Variants in FAM221A observed in about 807,000 individuals in gnomAD.
The protein encoded by FAM221A is protein FAM221A.
In FAM221A, 43 loss-of-function variants were observed where a neutral mutation model predicts 37.6. That is an observed-to-expected ratio of 1.15 (90% CI 0.90 to 1.48). The LOEUF is 1.48. FAM221A is among the 40% of genes most tolerant of loss of function. FAM221A has a pLI of 0.00. For synonymous variants in FAM221A, 135 were observed against 132.9 expected, an observed-to-expected ratio of 1.02 and a Z score of -0.11; for missense variants, 361 against 361.5, an observed-to-expected ratio of 1.00 and a Z score of 0.01.
At chr7:23,695,643 G>T (rs1439719930) in intron 4 of FAM221A, among the ~76,000 whole-genome samples, 1 of 152,124 alleles carries the variant, frequency 6.6e-6, no homozygotes, top group Admixed American at 6.5e-5. Flanking sequence ...AAAGAGCTGG[G>T]ATTACAGGTG....
chr7:23,696,053 G>A (rs769475065), intron 4 of FAM221A, among the ~76,000 whole-genome samples: 1 of 152,134 alleles, frequency 6.6e-6, no homozygotes, highest in African/African-American at 2.4e-5. Flanking sequence ...GTTGATGTTC[G>A]TTATGTGAAC....
rs1562511571 is a variant in FAM221A, at chr7:23,680,205, CTT to C, written c.-13_-12del. 6 of 1,548,570 alleles carry C rather than the reference CTT, an allele frequency of 3.9e-6. No homozygotes were observed. The highest frequency in any genetic ancestry group is 3.5e-6 in the Non-Finnish European group (4 of 1,145,256). On this transcript the variant is annotated 5_prime_UTR_variant, in exon 1 of 7. Transcript: ENST00000344962. The stretch of plus-strand genomic sequence containing the variant: ...AGCTGGTCCGCAGGGAAGCCTTTGG[CTT>C]CCCCACCGGCAATGGAGCGGTTGAC...
chr7:23,684,944 C>T (rs1168757216), intron 2 of FAM221A, among the ~76,000 whole-genome samples: 1 of 151,972 alleles, frequency 6.6e-6, no homozygotes, highest in Non-Finnish European at 1.5e-5. Context: ...AGAGTGAAAC[C>T]TTGTCTCTTA....
In FAM221A at chr7:23,689,283, A is replaced by T. The variant is rs775619998; in HGVS notation, c.254A>T (p.Lys85Ile). Residue 85 changes from lysine to isoleucine, a missense_variant, in exon 3 of 7, where the codon AAA becomes ATA. Physicochemically the swap from Lys to Ile is moderately radical, Grantham distance 102 (BLOSUM62 -3). Transcript: ENST00000344962. ...CFCTHRYKQH[K>I]TDLEAIPQQC... ...TCCTTTTTTAGGTATAAACAACATAAAACTGACTTGGAAGCGATTCCTCAG... is the reference window on the plus strand; with the variant it reads ...TCCTTTTTTAGGTATAAACAACATATAACTGACTTGGAAGCGATTCCTCAG... 6.4e-7 allele frequency: 1 copy of T among 1,551,038 alleles called. No individual in the cohort carries two copies. The highest frequency in any genetic ancestry group is 8.8e-7 in the Non-Finnish European group (1 of 1,133,320).
chr7:23,695,527 C>A (rs1216490095), intron 4 of FAM221A, among the ~76,000 whole-genome samples: 1 of 152,104 alleles, frequency 6.6e-6, no homozygotes, highest in Non-Finnish European at 1.5e-5. Context: ...CGCATGCCAC[C>A]ATGCCTGGCT....
In FAM221A at chr7:23,692,363, C is replaced by T. The variant is rs534660207; in HGVS notation, c.637+767C>T. The T allele has an allele frequency of 1.9e-3, 734 of 389,322 alleles. 1 individual carries two copies. Among genetic ancestry groups the T allele is most frequent in the East Asian group, 5.2e-3 (31 of 6,004 alleles). The allele number at this position is 389,322 out of a possible 1,614,324, so 24.1% of individuals were successfully genotyped here. On this transcript the variant is annotated intron_variant, in intron 4 of 6. Coordinates refer to ENST00000344962, the MANE Select transcript of FAM221A (RefSeq NM_199136.5). ...TTCTTTTCTTTTTTTTTTTTTGAGA[C>T]GGAGTTTTGCTCTTCTTGCCCAGGC... is the stretch of plus-strand genomic sequence containing the variant.
chr7:23,690,485 G>T (rs1434993073), intron 3 of FAM221A, among the ~76,000 whole-genome samples: 1 of 151,956 alleles, frequency 6.6e-6, no homozygotes, highest in South Asian at 2.1e-4. Context: ...GATTCCAGGC[G>T]TGAGCCACTG....
At chr7:23,680,853 C>G (rs1562512553) in intron 1 of FAM221A, 1 of 152,454 alleles carries the variant, frequency 6.6e-6, no homozygotes, top group Non-Finnish European at 1.5e-5. Context: ...TTTTCCGCTT[C>G]CTGGGGTTTT....
At chr7:23,693,802 C>T (rs998548635) in intron 4 of FAM221A, 1 of 152,090 alleles carries the variant, frequency 6.6e-6, no homozygotes, top group African/African-American at 2.4e-5. Flanking sequence ...CATTCTTGCC[C>T]AAATCATTTG....
At chr7:23,692,653 A>G (rs1471107789) in intron 4 of FAM221A, 20 of 984,770 alleles carry the variant, frequency 2.0e-5, no homozygotes, top group Non-Finnish European at 2.4e-5. Flanking sequence ...ATACGAGTAT[A>G]TATTTTCTTG....
intron 5 of FAM221A, among the ~76,000 whole-genome samples, chr7:23,699,255 G>T (rs73079086): frequency 0.057 from 8,530 of 150,966 alleles, 294 homozygotes; most frequent in East Asian, 0.13. Flanking sequence ...ATAGCTAGGA[G>T]TACAGGTGTG....
At chr7:23,698,870 G>A (rs1785223681) in intron 5 of FAM221A, among the ~76,000 whole-genome samples, 1 of 152,090 alleles carries the variant, frequency 6.6e-6, no homozygotes, top group African/African-American at 2.4e-5. Flanking sequence ...TTTTAAGGCT[G>A]CTTGCCTTAA....
intron 4 of FAM221A, chr7:23,694,707 G>A (rs1784950115): frequency 6.6e-6 from 1 of 152,182 alleles, no homozygotes; most frequent in Non-Finnish European, 1.5e-5. Context: ...GAAGTAGCAG[G>A]GTTGGGTTCA....
Position 23,689,260 on chromosome 7 carries a change from C to A in FAM221A, c.240-9C>A. 6.7e-7 allele frequency: 1 copy of A among 1,491,892 alleles called. No homozygotes were observed. Among genetic ancestry groups the A allele is most frequent in the South Asian group, 1.4e-5 (1 of 72,398 alleles). 92.4% of individuals were successfully genotyped at this position (1,491,892 alleles called of 1,614,324 possible). On this transcript the variant is annotated splice_polypyrimidine_tract_variant and intron_variant, in intron 2 of 6. Coordinates refer to ENST00000344962, the MANE Select transcript of FAM221A (RefSeq NM_199136.5). Reference sequence around the variant, plus strand: ...GTGTTTATATTTCTCTCTCTTTCTCCTTTTTTAGGTATAAACAACATAAAA... The same window carrying A: ...GTGTTTATATTTCTCTCTCTTTCTCATTTTTTAGGTATAAACAACATAAAA...
At chr7:23,701,504 G>T in intron 6 of FAM221A, among the ~76,000 whole-genome samples, 1 of 152,124 alleles carries the variant, frequency 6.6e-6, no homozygotes, top group Middle Eastern at 3.2e-3. Context: ...CTCGCAAAGT[G>T]CTGGGATTAC....
intron 5 of FAM221A, among the ~76,000 whole-genome samples, chr7:23,699,639 C>T (rs1331973693): frequency 6.9e-6 from 1 of 145,600 alleles, no homozygotes; most frequent in Non-Finnish European, 1.5e-5. Flanking sequence ...ACCTACCTGG[C>T]TCAAGTGATC....
At chr7:23,692,099 G>A (rs1784787285) in intron 4 of FAM221A, 13 of 569,850 alleles carry the variant, frequency 2.3e-5, no homozygotes, top group Non-Finnish European at 2.9e-5. Context: ...ATATGTATGT[G>A]CACACACATA....
In FAM221A at chr7:23,698,237, AC is replaced by A; in HGVS notation, c.684del (p.Asp228GlufsTer5). 1 of 1,600,052 alleles carries A rather than the reference AC, an allele frequency of 6.2e-7. No individual in the cohort carries two copies. Among genetic ancestry groups the A allele is most frequent in the Non-Finnish European group, 8.5e-7 (1 of 1,172,596 alleles). On this transcript the variant is annotated frameshift_variant, in exon 5 of 7. Coordinates refer to ENST00000344962, the MANE Select transcript of FAM221A (RefSeq NM_199136.5). LOFTEE classifies it high-confidence loss of function. Reference sequence around the variant, plus strand: ...TTAGAATCTCCCATTACGGCAGTAGACAGCCCATTCCTAAAAGCATTTCAAG... The same window carrying A: ...TTAGAATCTCCCATTACGGCAGTAGAAGCCCATTCCTAAAAGCATTTCAAG... ...EFLESPITAVDSPFLKAFQAS... is the reference protein window; with the variant it reads ...EFLESPITAVXSPFLKAFQAS...
intron 4 of FAM221A, among the ~76,000 whole-genome samples, chr7:23,697,213 A>G (rs1316404358): frequency 2.0e-5 from 3 of 152,200 alleles, no homozygotes; most frequent in Non-Finnish European, 4.4e-5. Flanking sequence ...CACATGCCCC[A>G]TGGAAGCCAC....
Sources: allele counts gnomAD v4.1 joint callset (sites outside exome capture counted in the v4.1 genomes callset), GRCh38; gene constraint gnomAD v4.1.1; transcripts MANE v1.5; gene names NCBI Gene and HGNC (gene_info 2026-07-23, HGNC 2026-07-21).